The following FBXL17 variants were observed in gnomAD, a reference collection of about 807,000 sequenced individuals.
FBXL17 encodes the protein F-box/LRR-repeat protein 17.
Under a neutral mutation model 66.2 loss-of-function variants are expected in FBXL17, and 22 were observed. The observed-to-expected ratio is 0.33, with a 90% CI of 0.24 to 0.47. The LOEUF (loss-of-function observed/expected upper bound fraction) is 0.47, where lower values mean the gene tolerates loss of function less well. Among genes scored for constraint, FBXL17 ranks in the 20% least tolerant of loss-of-function variants. The probability of loss-of-function intolerance (pLI) is 1.00; values close to 1 mark genes in which losing one functional copy is unlikely to be tolerated. For missense variants in FBXL17, 878 were observed against 948.2 expected (o/e 0.93, Z 0.97); for synonymous variants, 474 against 400.5 (o/e 1.18, Z -2.19).
At chr5:108,023,312 A>C (rs550915487) in intron 6 of FBXL17, among the ~76,000 whole-genome samples, 1 of 152,296 alleles carries the variant, frequency 6.6e-6, no homozygotes, top group African/African-American at 2.4e-5. Context: ...TACATTTGAA[A>C]AGAGAAACCC....
intron 6 of FBXL17, among the ~76,000 whole-genome samples, chr5:108,179,063 G>A (rs191625659): frequency 1.3e-5 from 2 of 152,276 alleles, no homozygotes; most frequent in African/African-American, 4.8e-5. Flanking sequence ...ACATTCACAG[G>A]AAGATGGTAG....
At chr5:108,256,135 T>C (rs1371367178) in intron 4 of FBXL17, among the ~76,000 whole-genome samples, 2 of 152,160 alleles carry the variant, frequency 1.3e-5, no homozygotes, top group Non-Finnish European at 2.9e-5. Flanking sequence ...TTTCGGTTAT[T>C]TGCATATATC....
In FBXL17 at chr5:108,010,224, T is replaced by A. The variant is rs374796529; in HGVS notation, c.1822+10701A>T. On this transcript the variant is annotated intron_variant, in intron 7 of 8. Coordinates refer to ENST00000542267, the MANE Select transcript of FBXL17 (RefSeq NM_001163315.3). ...ACTTTTCTATTTATTTCCAAATGGC[T>A]GGGTCCAAGAGGTCCATTTTCAATA... Among the ~76,000 whole-genome samples the A allele has an allele frequency of 7.9e-5, 12 of 152,344 alleles. No homozygotes were observed. The East Asian group carries it at 1.7e-3, about 22-fold the overall frequency.
chr5:108,353,727 C>T (rs1010420952), intron 3 of FBXL17, among the ~76,000 whole-genome samples: 4 of 152,066 alleles, frequency 2.6e-5, no homozygotes, highest in Non-Finnish European at 5.9e-5. Flanking sequence ...AAACTCCAGC[C>T]CTCTCTAGCC....
At chr5:107,883,366 T>C (rs1748856651) in intron 7 of FBXL17, among the ~76,000 whole-genome samples, 1 of 152,096 alleles carries the variant, frequency 6.6e-6, no homozygotes, top group Non-Finnish European at 1.5e-5. Context: ...GTAGTTCTGA[T>C]AGGCCATGCC....
At chr5:108,136,591 G>T (rs1445068377) in intron 6 of FBXL17, among the ~76,000 whole-genome samples, 2 of 152,114 alleles carry the variant, frequency 1.3e-5, no homozygotes, top group African/African-American at 4.8e-5. Context: ...ACACAGTGTG[G>T]TACTTAGTGG....
chr5:108,246,490 C>T lies in FBXL17; in HGVS notation c.1507-22262G>A, dbSNP rs957751434. Among the ~76,000 whole-genome samples the T allele has an allele frequency of 3.9e-5, 6 of 152,264 alleles. No individual in the cohort carries two copies. The South Asian group carries it at 1.2e-3, about 32-fold the overall frequency. On this transcript the variant is annotated intron_variant, in intron 4 of 8. Coordinates refer to ENST00000542267, the MANE Select transcript of FBXL17 (RefSeq NM_001163315.3). ...CATGATCATGCCACTGCACTCCACC[C>T]TAGCTGACCCTGTCTCAAAAAAATA...
chr5:108,174,525 G>C (rs1243438320), intron 6 of FBXL17, among the ~76,000 whole-genome samples: 1 of 152,018 alleles, frequency 6.6e-6, no homozygotes, highest in African/African-American at 2.4e-5. Context: ...TTCACAACTT[G>C]ATGTTCTGAT....
At chr5:107,878,907 G>A (rs2112497782) in intron 8 of FBXL17, 4 of 985,482 alleles carry the variant, frequency 4.1e-6, no homozygotes, top group Middle Eastern at 1.0e-3. Context: ...GCGTCGTGCT[G>A]GAGCCAATGG....
chr5:108,049,503 G>A (rs1400319919), intron 6 of FBXL17, among the ~76,000 whole-genome samples: 1 of 152,006 alleles, frequency 6.6e-6, no homozygotes, highest in African/African-American at 2.4e-5. Context: ...CATAAGTGAA[G>A]GATAAATAAT....
At chr5:108,202,009 A>C (rs1377495724) in intron 5 of FBXL17, among the ~76,000 whole-genome samples, 1 of 152,162 alleles carries the variant, frequency 6.6e-6, no homozygotes, top group Non-Finnish European at 1.5e-5. Context: ...GTGTGTGATA[A>C]ACATTCAGAG....
At chr5:108,016,379 T>C (rs899193772) in intron 7 of FBXL17, among the ~76,000 whole-genome samples, 3 of 152,078 alleles carry the variant, frequency 2.0e-5, no homozygotes, top group African/African-American at 7.2e-5. Context: ...CAAACAACAG[T>C]GTCAGTATTT....
chr5:108,367,021 A>AC (rs1748710792), intron 2 of FBXL17, among the ~76,000 whole-genome samples: 1 of 152,136 alleles, frequency 6.6e-6, no homozygotes, highest in East Asian at 1.9e-4. Context: ...TTTATGTAAT[A>AC]GAAATTGGCA....
At chr5:108,377,517 G>A (rs1365093260) in intron 1 of FBXL17, among the ~76,000 whole-genome samples, 1 of 152,230 alleles carries the variant, frequency 6.6e-6, no homozygotes, top group African/African-American at 2.4e-5. Context: ...CAAAAGTGCT[G>A]GGACAGGAGG....
chr5:108,165,415 G>C (rs1220622663), intron 6 of FBXL17, among the ~76,000 whole-genome samples: 1 of 152,174 alleles, frequency 6.6e-6, no homozygotes, highest in South Asian at 2.1e-4. Flanking sequence ...AAAATCTACT[G>C]TGTGTATGCT....
intron 7 of FBXL17, among the ~76,000 whole-genome samples, chr5:107,932,234 T>C (rs1396251380): frequency 6.6e-6 from 1 of 152,202 alleles, no homozygotes. Flanking sequence ...AATGTTCACG[T>C]GAATAGAAAG....
chr5:108,332,887 C>T (rs1188231869), intron 4 of FBXL17, among the ~76,000 whole-genome samples: 1 of 124,542 alleles, frequency 8.0e-6, no homozygotes, highest in Non-Finnish European at 1.6e-5. Context: ...GGATTACAGG[C>T]GTGAGCCAAG....
chr5:108,080,900 C>G (rs1046421937), intron 6 of FBXL17, among the ~76,000 whole-genome samples: 26 of 152,142 alleles, frequency 1.7e-4, no homozygotes, highest in African/African-American at 4.8e-4. Flanking sequence ...TGTCTCTTAC[C>G]AGACCTAAAA....
intron 6 of FBXL17, among the ~76,000 whole-genome samples, chr5:108,140,751 G>T (rs1236101493): frequency 6.6e-6 from 1 of 151,868 alleles, no homozygotes; most frequent in African/African-American, 2.4e-5. Context: ...ATAAACTCAA[G>T]GATATCCCCC....
Sources: gnomAD v4.1 joint callset for allele counts (sites outside exome capture counted in the v4.1 genomes callset) on GRCh38, gnomAD v4.1.1 for gene constraint, MANE v1.5 for transcripts, NCBI Gene and HGNC (gene_info 2026-07-23, HGNC 2026-07-21) for gene names.